The following TRDN variants were observed in gnomAD, a reference collection of about 807,000 sequenced individuals.
TRDN encodes the protein triadin in skeletal muscle.
A neutral mutation model predicts 149.7 loss-of-function variants in TRDN; 161 were observed. The observed-to-expected ratio is 1.08, with a 90% CI of 0.95 to 1.23. TRDN has a LOEUF of 1.23. TRDN is among the 50% of genes most tolerant of loss of function. The pLI is 0.00. For missense variants in TRDN, 896 were observed against 823.5 expected, an observed-to-expected ratio of 1.09 and a Z score of -1.08; for synonymous variants, 294 against 250.5, an observed-to-expected ratio of 1.17 and a Z score of -1.64.
At chr6:123,472,370 C>T (rs1056420018) in intron 9 of TRDN, among the ~76,000 whole-genome samples, 2 of 152,316 alleles carry the variant, frequency 1.3e-5, no homozygotes, top group Non-Finnish European at 1.5e-5. Context: ...TGCGCTTTTC[C>T]GACAGGCTTA....
rs145841055 is a variant in TRDN, at chr6:123,581,979, G to A, written c.23-10847C>T. On this transcript the variant is annotated intron_variant, in intron 1 of 40. Transcript: ENST00000334268. ...ATCAAACTCTGTAAAATAAATGAAT[G>A]GATTTATTCTGAGCCAAATATAAGT... Among the ~76,000 whole-genome samples, 72 of 152,268 alleles carry A rather than the reference G, an allele frequency of 4.7e-4. 1 individual carries two copies. Among genetic ancestry groups the A allele is most frequent in the African/African-American group, 1.7e-3 (70 of 41,556 alleles).
chr6:123,499,719 A>AATATATATATATATATATATATATAT (rs71272328), intron 8 of TRDN, among the ~76,000 whole-genome samples: 7 of 47,668 alleles, frequency 1.5e-4, no homozygotes, highest in East Asian at 5.2e-4. Context: ...AAAAAAAAAA[A>AATATATATATATATATATATATATAT]ATATATATAT....
At chr6:123,416,788 G>A (rs1035558993) in intron 12 of TRDN, among the ~76,000 whole-genome samples, 2 of 149,932 alleles carry the variant, frequency 1.3e-5, no homozygotes, top group Non-Finnish European at 3.0e-5. Flanking sequence ...TGAAACCTCC[G>A]TCTCCCGGGT....
intron 20 of TRDN, among the ~76,000 whole-genome samples, chr6:123,360,130 T>A (rs1780842613): frequency 6.6e-6 from 1 of 152,188 alleles, no homozygotes; most frequent in Non-Finnish European, 1.5e-5. Flanking sequence ...ATCACCTAGG[T>A]ATTAAGCCCA....
rs370036052 is a variant in TRDN, at chr6:123,255,066, G to A, written c.1951+15C>T. 88 of 1,319,274 alleles carry A rather than the reference G, an allele frequency of 6.7e-5. No individual in the cohort carries two copies. Among genetic ancestry groups the A allele is most frequent in the Admixed American group, 8.5e-5 (4 of 47,188 alleles). The allele number at this position is 1,319,274 out of a possible 1,614,324, so 81.7% of individuals were successfully genotyped here. A position where few individuals can be genotyped will look rare whatever the true frequency, so the allele number is the denominator to read the frequency against. On this transcript the variant is annotated intron_variant, in intron 37 of 40. Coordinates refer to ENST00000334268, the MANE Select transcript of TRDN (RefSeq NM_006073.4). ...GTTTTCATACAAACATAGTAGTTAC[G>A]TAATTCAAGATTACCTTTTGTCACA...
intron 20 of TRDN, among the ~76,000 whole-genome samples, chr6:123,365,562 G>C (rs1430979266): frequency 6.6e-6 from 1 of 152,094 alleles, no homozygotes; most frequent in Non-Finnish European, 1.5e-5. Context: ...ATGTGTGCAG[G>C]TTTGCGTGTG....
At chr6:123,499,943 T>G (rs895109347) in intron 8 of TRDN, among the ~76,000 whole-genome samples, 4 of 151,428 alleles carry the variant, frequency 2.6e-5, no homozygotes, top group African/African-American at 9.7e-5. Flanking sequence ...CCCTTTTATA[T>G]AAAAGACTTG....
chr6:123,341,584 A>C (rs530780727), intron 21 of TRDN, among the ~76,000 whole-genome samples: 1 of 152,004 alleles, frequency 6.6e-6, no homozygotes, highest in African/African-American at 2.4e-5. Context: ...CATAATATAA[A>C]ATTTTCTTGA....
chr6:123,566,320 G>A (rs778311930), intron 2 of TRDN, among the ~76,000 whole-genome samples: 1 of 152,110 alleles, frequency 6.6e-6, no homozygotes, highest in Admixed American at 6.5e-5. Context: ...TTAGCTTGTA[G>A]GTTCATAGAG....
chr6:123,588,080 G>A (rs9375275), intron 1 of TRDN, among the ~76,000 whole-genome samples: 41,472 of 151,890 alleles, frequency 0.27, 6,180 homozygotes, highest in East Asian at 0.54. Context: ...GATGGCAAAT[G>A]TCTCTTATCA....
At chr6:123,421,805 C>CAAAAAAAAAAAA (rs56022131) in intron 12 of TRDN, among the ~76,000 whole-genome samples, 2 of 92,638 alleles carry the variant, frequency 2.2e-5, no homozygotes, top group East Asian at 3.5e-4. Flanking sequence ...CCTTTCTCTA[C>CAAAAAAAAAAAA]AAAAAAAAAA....
intron 10 of TRDN, among the ~76,000 whole-genome samples, chr6:123,443,006 G>A (rs1040030847): frequency 2.6e-5 from 4 of 152,070 alleles, no homozygotes; most frequent in African/African-American, 9.7e-5. Context: ...TGAGTAGAAT[G>A]TGTTTGAGTC....
At position 123,348,108 on chromosome 6, in the gene TRDN, C is replaced by A. The variant is rs1442852100; in HGVS notation, c.1369+4431G>T. Among the ~76,000 whole-genome samples the A allele has an allele frequency of 2.0e-5, 3 of 152,074 alleles. No homozygotes were observed. In the East Asian group the frequency reaches 5.8e-4, roughly 29 times the overall value. On this transcript the variant is annotated intron_variant, in intron 21 of 40. Coordinates refer to ENST00000334268, the MANE Select transcript of TRDN (RefSeq NM_006073.4). The stretch of plus-strand genomic sequence containing the variant: ...TGTATAAAAATCAAGTGAAGTAAAA[C>A]CCAGACTTTACAGGTCATAATGATG...
intron 33 of TRDN, among the ~76,000 whole-genome samples, chr6:123,262,579 T>C (rs1389098973): frequency 6.6e-6 from 1 of 152,058 alleles, no homozygotes; most frequent in African/African-American, 2.4e-5. Flanking sequence ...GGCATACTCA[T>C]TTTATTGTGC....
At chr6:123,468,788 A>T (rs1053017520) in intron 9 of TRDN, 6 of 152,102 alleles carry the variant, frequency 3.9e-5, no homozygotes, top group African/African-American at 1.4e-4. Flanking sequence ...TTTTTTCTCT[A>T]CCATCTAATA....
In TRDN at chr6:123,296,729, T is replaced by C. The variant is rs921864593; in HGVS notation, c.1511-17647A>G. 2.6e-5 allele frequency among the ~76,000 whole-genome samples: 4 copies of C among 151,966 alleles called. 1 individual carries two copies. In the East Asian group the frequency reaches 5.8e-4, roughly 22 times the overall value. On this transcript the variant is annotated intron_variant, in intron 24 of 40. Transcript: ENST00000334268. The stretch of plus-strand genomic sequence containing the variant: ...AAAAAGTTACTTGAATAAAATAATA[T>C]AGTTTTATGTATATAATTTTGGAAA...
At chr6:123,289,137 T>A (rs1484365027) in intron 24 of TRDN, among the ~76,000 whole-genome samples, 3 of 146,834 alleles carry the variant, frequency 2.0e-5, no homozygotes, top group Non-Finnish European at 3.0e-5. Context: ...ATAAAATATG[T>A]TATATATATT....
chr6:123,333,547 C>T (rs1779743733), intron 22 of TRDN, among the ~76,000 whole-genome samples: 2 of 152,106 alleles, frequency 1.3e-5, no homozygotes, highest in Non-Finnish European at 2.9e-5. Context: ...ATCACTTGCA[C>T]TGACTTTCCT....
At chr6:123,245,278 C>T (rs1185487221) in intron 38 of TRDN, among the ~76,000 whole-genome samples, 6 of 151,860 alleles carry the variant, frequency 4.0e-5, no homozygotes, top group Admixed American at 6.6e-5. Flanking sequence ...GCTAAATGCC[C>T]CAATTAAAAA....
Sources: gnomAD v4.1 joint callset for allele counts (sites outside exome capture counted in the v4.1 genomes callset) on GRCh38, gnomAD v4.1.1 for gene constraint, MANE v1.5 for transcripts, NCBI Gene and HGNC (gene_info 2026-07-23, HGNC 2026-07-21) for gene names.